STIM1: variants seen among roughly 807,000 people sequenced by gnomAD.
The protein encoded by STIM1 is stromal interaction molecule 1.
A neutral mutation model predicts 74.7 loss-of-function variants in STIM1; 25 were observed. That is an observed-to-expected ratio of 0.33 (90% CI 0.24 to 0.47). The LOEUF (loss-of-function observed/expected upper bound fraction) is 0.47, where lower values mean the gene tolerates loss of function less well. Ranked by LOEUF, STIM1 falls within the 20% of genes least tolerant of loss-of-function variation. STIM1 has a pLI of 1.00. For synonymous variants in STIM1, 328 were observed against 348.8 expected, an observed-to-expected ratio of 0.94 and a Z score of 0.66; for missense variants, 728 against 920.8, an observed-to-expected ratio of 0.79 and a Z score of 2.71.
At chr11:3,875,752 C>G (rs1472669889) in intron 1 of STIM1, among the ~76,000 whole-genome samples, 1 of 149,254 alleles carries the variant, frequency 6.7e-6, no homozygotes, top group Non-Finnish European at 1.5e-5. Flanking sequence ...CTAAAAACAA[C>G]AACAAAAAAA....
intron 2 of STIM1, among the ~76,000 whole-genome samples, chr11:4,013,152 C>T (rs537930956): frequency 2.6e-5 from 4 of 152,268 alleles, no homozygotes; most frequent in South Asian, 2.1e-4. Flanking sequence ...ATTTTTGCAT[C>T]GATGTTCATC....
intron 1 of STIM1, chr11:3,892,453 A>G: frequency 1.3e-6 from 2 of 1,491,408 alleles, no homozygotes; most frequent in South Asian, 1.1e-5. Flanking sequence ...TCCTGGACCC[A>G]AAGTGCTCTA....
In STIM1 at chr11:4,070,012, C is replaced by T; in HGVS notation, c.614-14C>T. On this transcript the variant is annotated splice_polypyrimidine_tract_variant and intron_variant, in intron 5 of 12. Coordinates refer to ENST00000526596, the MANE Select transcript of STIM1 (RefSeq NM_001382567.1). The stretch of plus-strand genomic sequence containing the variant: ...TGGGCACCCTAACTCATCATGCCCT[C>T]CCCTCTCTGGCAGTGACTCGCCATA... The T allele has an allele frequency of 6.2e-7, 1 of 1,613,828 alleles. No individual in the cohort carries two copies. Among genetic ancestry groups the T allele is most frequent in the Non-Finnish European group, 8.5e-7 (1 of 1,180,018 alleles).
At chr11:4,067,417 A>G (rs2094375135) in intron 5 of STIM1, among the ~76,000 whole-genome samples, 1 of 152,224 alleles carries the variant, frequency 6.6e-6, no homozygotes, top group Admixed American at 6.5e-5. Flanking sequence ...GTGTGGGGGA[A>G]AACTCAGGCC....
chr11:3,858,256 T>G (rs527673731), intron 1 of STIM1, among the ~76,000 whole-genome samples: 43 of 151,922 alleles, frequency 2.8e-4, no homozygotes, highest in African/African-American at 1.0e-3. Flanking sequence ...TGTTTTTTGT[T>G]TTTCGCCTGA....
At chr11:3,971,543 CAAAAA>C (rs772733011) in intron 2 of STIM1, among the ~76,000 whole-genome samples, 12 of 148,018 alleles carry the variant, frequency 8.1e-5, no homozygotes, top group Non-Finnish European at 1.3e-4. Context: ...ACAAAAAAAA[CAAAAA>C]AACAAAACAA....
chr11:3,943,575 C>A (rs10500591), intron 1 of STIM1, among the ~76,000 whole-genome samples: 11,313 of 152,064 alleles, frequency 0.074, 750 homozygotes, highest in East Asian at 0.18. Context: ...TAGGTTTTTC[C>A]AAGAGAGCCA....
rs1343604264 is a variant in STIM1, at chr11:4,074,632, G to A, written c.922G>A (p.Glu308Lys). 1.3e-6 allele frequency: 2 copies of A among 1,596,798 alleles called. No homozygotes were observed. Among genetic ancestry groups the A allele is most frequent in the Admixed American group, 1.8e-5 (1 of 56,956 alleles). The change falls in exon 7 of 13, where the codon GAG (glutamate) becomes AAG (lysine). Residue 308 changes from glutamate to lysine, a missense_variant. Glu to Lys is a moderately conservative substitution (Grantham distance 56). Around this residue, in one of 5 missense-constraint regions of STIM1, gnomAD observed 131 missense variants for 235.9 expected, o/e 0.56. Coordinates refer to ENST00000526596, the MANE Select transcript of STIM1 (RefSeq NM_001382567.1). ...GCTGAAGGAGCTGCGGGAGGGTACTGAGAATGAGCGGAGCCGCCAAAAATA... is the reference window on the plus strand; with the variant it reads ...GCTGAAGGAGCTGCGGGAGGGTACTAAGAATGAGCGGAGCCGCCAAAAATA... ...QRLKELREGT[E>K]NERSRQKYAE...
chr11:3,961,369 G>A, intron 1 of STIM1: 1 of 257,978 alleles, frequency 3.9e-6, no homozygotes. Context: ...ACAACTCTAT[G>A]GGCTTTAGAA....
intron 1 of STIM1, among the ~76,000 whole-genome samples, chr11:3,884,677 G>A (rs2091637915): frequency 6.6e-6 from 1 of 151,970 alleles, no homozygotes; most frequent in South Asian, 2.1e-4. Flanking sequence ...TAACCCAAGG[G>A]AGTAATAATT....
chr11:3,939,080 C>T lies in STIM1; in HGVS notation c.140-28472C>T, dbSNP rs1461116552. ...TTTTCTGTATGACATATAACTGAGC[C>T]CTATATAAAATATTTAGACAAGAAT... On this transcript the variant is annotated intron_variant, in intron 1 of 12. Coordinates refer to ENST00000526596, the MANE Select transcript of STIM1 (RefSeq NM_001382567.1). 2.6e-5 allele frequency among the ~76,000 whole-genome samples: 4 copies of T among 152,214 alleles called. No homozygotes were observed. The East Asian group carries it at 7.7e-4, about 29-fold the overall frequency.
At chr11:3,937,727 A>G (rs1446192854) in intron 1 of STIM1, among the ~76,000 whole-genome samples, 1 of 152,096 alleles carries the variant, frequency 6.6e-6, no homozygotes, top group East Asian at 1.9e-4. Flanking sequence ...AAGCTCATCC[A>G]CTGGAGGAGG....
In STIM1 at chr11:4,082,874, C is replaced by T. The variant is rs750360122; in HGVS notation, c.1138-8C>T. 42 of 1,613,654 alleles carry T rather than the reference C, an allele frequency of 2.6e-5. No individual in the cohort carries two copies. The South Asian group carries it at 4.2e-4, about 16-fold the overall frequency. On this transcript the variant is annotated splice_polypyrimidine_tract_variant and splice_region_variant and intron_variant, in intron 8 of 12. Coordinates refer to ENST00000526596, the MANE Select transcript of STIM1 (RefSeq NM_001382567.1). Reference sequence around the variant, plus strand: ...GCTCTTTTTGAGCTGGGGGCCTCATCTTTGCAGGCTGAGAAGATAAAAAAG... The same window carrying T: ...GCTCTTTTTGAGCTGGGGGCCTCATTTTTGCAGGCTGAGAAGATAAAAAAG...
intron 5 of STIM1, 62 bp downstream of exon 5, chr11:4,059,458 T>TAGGATA: frequency 7.0e-7 from 1 of 1,438,590 alleles, no homozygotes; most frequent in South Asian, 1.2e-5. Context: ...TTGTAGTGGA[T>TAGGATA]AGGCTAAGGC....
At chr11:3,955,297 G>A (rs1483567980) in intron 1 of STIM1, among the ~76,000 whole-genome samples, 2 of 152,142 alleles carry the variant, frequency 1.3e-5, no homozygotes, top group Non-Finnish European at 2.9e-5. Context: ...TGATTGGGGT[G>A]GTGGTTACAC....
chr11:3,887,653 G>A (rs895116079), intron 1 of STIM1, among the ~76,000 whole-genome samples: 8 of 152,138 alleles, frequency 5.3e-5, no homozygotes, highest in African/African-American at 1.9e-4. Context: ...CTTTCATTTC[G>A]TTTTCAGATT....
At chr11:4,047,823 T>C (rs2094205797) in intron 3 of STIM1, among the ~76,000 whole-genome samples, 2 of 149,058 alleles carry the variant, frequency 1.3e-5, no homozygotes, top group African/African-American at 4.9e-5. Flanking sequence ...TGTCTCTCTT[T>C]TTTTTTTTTT....
chr11:4,012,748 CT>C (rs2093850974), intron 2 of STIM1, among the ~76,000 whole-genome samples: 1 of 152,178 alleles, frequency 6.6e-6, no homozygotes, highest in Non-Finnish European at 1.5e-5. Context: ...CTGGCCAGAA[CT>C]TCCAACACTA....
At chr11:4,057,043 T>C (rs2094295136) in intron 4 of STIM1, among the ~76,000 whole-genome samples, 1 of 152,192 alleles carries the variant, frequency 6.6e-6, no homozygotes, top group South Asian at 2.1e-4. Context: ...ACCTACCATG[T>C]GCCATACTCT....
Sources: allele counts gnomAD v4.1 joint callset (sites outside exome capture counted in the v4.1 genomes callset), GRCh38; gene constraint gnomAD v4.1.1; regional missense constraint gnomAD v4.1.1; transcripts MANE v1.5; gene names NCBI Gene and HGNC (gene_info 2026-07-23, HGNC 2026-07-21).